Variants in ANK2 observed in about 807,000 individuals in gnomAD.
The protein encoded by ANK2 is ankyrin 2.
In ANK2, 83 loss-of-function variants were observed where a neutral mutation model predicts 360.5. The ratio of observed to expected loss-of-function variants is 0.23; its 90% confidence interval spans 0.19 to 0.28. The LOEUF is 0.28. Among genes scored for constraint, ANK2 ranks in the 10% least tolerant of loss-of-function variants. The pLI, the probability that ANK2 is intolerant of heterozygous loss-of-function variation, is 1.00. For missense variants in ANK2, 4,201 were observed against 4,795.7 expected (o/e 0.88, Z 3.66); for synonymous variants, 1,740 against 1,759.5 (o/e 0.99, Z 0.28).
chr4:112,881,561 A>C (rs2076698833), intron 1 of ANK2, among the ~76,000 whole-genome samples: 2 of 152,210 alleles, frequency 1.3e-5, no homozygotes, highest in South Asian at 4.1e-4. Context: ...TTTATTCAGC[A>C]TCATGATCAG....
At chr4:112,949,318 A>C (rs1278632717) in intron 2 of ANK2, among the ~76,000 whole-genome samples, 1 of 152,058 alleles carries the variant, frequency 6.6e-6, no homozygotes, top group Non-Finnish European at 1.5e-5. Flanking sequence ...CTCTTCCTAA[A>C]ATTTTCTGTA....
chr4:113,380,242 T>G (rs1035736059), intron 45 of ANK2, among the ~76,000 whole-genome samples: 2 of 150,776 alleles, frequency 1.3e-5, no homozygotes, highest in Non-Finnish European at 3.0e-5. Flanking sequence ...TAAACTTGCT[T>G]TTACTTTACT....
At chr4:113,297,948 C>T (rs1230033314) in intron 22 of ANK2, among the ~76,000 whole-genome samples, 1 of 151,904 alleles carries the variant, frequency 6.6e-6, no homozygotes, top group East Asian at 1.9e-4. Flanking sequence ...CCACTCCTGG[C>T]TAATTTTTGT....
At chr4:112,788,497 G>A in the ANK2 span, 4 of 1,582,878 alleles carry the variant, frequency 2.5e-6, no homozygotes, top group East Asian at 6.7e-5. Flanking sequence ...GTCTCTTGGT[G>A]GGGACGTCCC....
chr4:112,897,588 G>A (rs559739201), intron 1 of ANK2, among the ~76,000 whole-genome samples: 1 of 150,362 alleles, frequency 6.7e-6, no homozygotes, highest in Admixed American at 6.6e-5. Context: ...ATCTTTTAAG[G>A]ATCTTTCTAG....
At chr4:113,016,769 C>T (rs910385219) in intron 2 of ANK2, among the ~76,000 whole-genome samples, 1 of 152,188 alleles carries the variant, frequency 6.6e-6, no homozygotes, top group Non-Finnish European at 1.5e-5. Context: ...TGTAGAGACA[C>T]ATTCTACTGG....
chr4:113,152,065 CAAAAAAAAAAAAAGAA>C (rs1222624719), intron 1 of ANK2, among the ~76,000 whole-genome samples: 23 of 62,270 alleles, frequency 3.7e-4, no homozygotes, highest in Middle Eastern at 6.6e-3. Context: ...GTCTCTGTCT[CAAAAAAAAAAAAAGAA>C]AAAAAAAAAA....
intron 1 of ANK2, among the ~76,000 whole-genome samples, chr4:113,119,615 T>C (rs559150776): frequency 5.9e-5 from 9 of 152,322 alleles, no homozygotes; most frequent in South Asian, 2.1e-4. Context: ...GATGCCACTT[T>C]ATCATCATAA....
At chr4:112,883,054 T>TTTTTTTTTTTTTTTTTC (rs2077207662) in intron 1 of ANK2, among the ~76,000 whole-genome samples, 1 of 129,456 alleles carries the variant, frequency 7.7e-6, no homozygotes, top group Non-Finnish European at 1.6e-5. Flanking sequence ...TTTTTTTTTT[T>TTTTTTTTTTTTTTTTTC]TTGAGATGGA....
At chr4:113,286,504 G>A (rs1322853097) in intron 18 of ANK2, among the ~76,000 whole-genome samples, 1 of 152,136 alleles carries the variant, frequency 6.6e-6, no homozygotes, top group Non-Finnish European at 1.5e-5. Flanking sequence ...TCCAGAAGTA[G>A]CACCATGGCT....
intron 1 of ANK2, among the ~76,000 whole-genome samples, chr4:113,072,499 T>A (rs2077963170): frequency 6.6e-6 from 1 of 152,200 alleles, no homozygotes; most frequent in Non-Finnish European, 1.5e-5. Context: ...CTGGTCTTTG[T>A]GATGTTCAAA....
intron 1 of ANK2, among the ~76,000 whole-genome samples, chr4:113,130,620 T>C (rs1170547693): frequency 6.6e-6 from 1 of 152,166 alleles, no homozygotes; most frequent in Non-Finnish European, 1.5e-5. Context: ...TTTGAGGTTT[T>C]AATGTGCAGG....
chr4:113,191,652 T>A (rs189914135), intron 2 of ANK2, among the ~76,000 whole-genome samples: 1 of 152,352 alleles, frequency 6.6e-6, no homozygotes, highest in South Asian at 2.1e-4. Context: ...AATATATACA[T>A]GTATTACTGT....
intron 2 of ANK2, among the ~76,000 whole-genome samples, chr4:112,941,553 CAT>C (rs1283498316): frequency 2.1e-5 from 3 of 141,174 alleles, no homozygotes; most frequent in Non-Finnish European, 4.6e-5. Context: ...TTAGTATATA[CAT>C]ATATCTCTAT....
At chr4:112,862,690 GA>G (rs2068523125) in intron 1 of ANK2, among the ~76,000 whole-genome samples, 1 of 152,068 alleles carries the variant, frequency 6.6e-6, no homozygotes, top group South Asian at 2.1e-4. Context: ...TGTATTCTTA[GA>G]TTTTTTTTGC....
intron 41 of ANK2, among the ~76,000 whole-genome samples, chr4:113,366,391 C>CT (rs58588518): frequency 0.02 from 2,161 of 108,246 alleles, 44 homozygotes; most frequent in African/African-American, 0.053. Context: ...TTCTTGCTTC[C>CT]TTTTTTTTTT....
intron 1 of ANK2, among the ~76,000 whole-genome samples, chr4:112,851,503 C>T (rs890158425): frequency 1.4e-4 from 22 of 152,240 alleles, no homozygotes; most frequent in African/African-American, 5.1e-4. Context: ...CCACTCTCAT[C>T]ACATTCTCCT....
intron 2 of ANK2, among the ~76,000 whole-genome samples, chr4:112,990,260 C>G (rs2046310639): frequency 6.6e-6 from 1 of 152,002 alleles, no homozygotes; most frequent in Admixed American, 6.6e-5. Context: ...CAGAGTGAGA[C>G]CCTGTCTCAA....
At chr4:113,227,908 G>T (rs992276460) in intron 4 of ANK2, among the ~76,000 whole-genome samples, 3 of 152,172 alleles carry the variant, frequency 2.0e-5, no homozygotes, top group African/African-American at 7.2e-5. Flanking sequence ...TGATAAACTT[G>T]AGCTGTCCCA....
Sources: allele counts gnomAD v4.1 joint callset (sites outside exome capture counted in the v4.1 genomes callset), GRCh38; gene constraint gnomAD v4.1.1; transcripts MANE v1.5; gene names NCBI Gene and HGNC (gene_info 2026-07-23, HGNC 2026-07-21).